The following DIAPH3 variants were observed in gnomAD, a reference collection of about 807,000 sequenced individuals.
DIAPH3 encodes protein diaphanous homolog 3.
In DIAPH3, 117 loss-of-function variants were observed where a neutral mutation model predicts 144.3. That is an observed-to-expected ratio of 0.81 (90% CI 0.70 to 0.95). The LOEUF is 0.95. Among genes scored for constraint, DIAPH3 ranks in the 40% least tolerant of loss-of-function variants. The pLI is 0.00. For missense variants in DIAPH3, 1,421 were observed against 1,412.7 expected (o/e 1.01, Z -0.09); for synonymous variants, 519 against 488.9 (o/e 1.06, Z -0.81).
At chr13:59,826,560 T>C (rs1007845484) in intron 24 of DIAPH3, among the ~76,000 whole-genome samples, 2 of 149,258 alleles carry the variant, frequency 1.3e-5, no homozygotes, top group Non-Finnish European at 1.5e-5. Context: ...GAACATTCCA[T>C]GCTCATGGGT....
At chr13:59,932,267 A>C (rs1282189177) in intron 17 of DIAPH3, among the ~76,000 whole-genome samples, 3 of 152,176 alleles carry the variant, frequency 2.0e-5, no homozygotes, top group Non-Finnish European at 4.4e-5. Context: ...GAAAAACGTC[A>C]AAGACACAAG....
rs1204002568 is a variant in DIAPH3 at position 59,774,227 on chromosome 13, G to A, written c.3281C>T (p.Pro1094Leu). The A allele has an allele frequency of 6.2e-7, 1 of 1,612,754 alleles. No individual in the cohort carries two copies. The highest frequency in any genetic ancestry group is 1.3e-5 in the African/African-American group (1 of 74,860). Residue 1094 changes from proline to leucine, a missense_variant, in exon 27 of 28, where the codon CCA becomes CTA. Transcript: ENST00000400324. ...MPKDVRQSLSPMSQRPVLKVC... is the reference protein window; with the variant it reads ...MPKDVRQSLSLMSQRPVLKVC... ...TTTCAGAACAGGCCTCTGAGACATT[G>A]GACTGAGACTCTGCCGAACATCTGT...
In DIAPH3 at chr13:59,674,721, A is replaced by T. The variant is rs969510941; in HGVS notation, c.3320-7875T>A. Among the ~76,000 whole-genome samples, 12 of 152,272 alleles carry T rather than the reference A, an allele frequency of 7.9e-5. No homozygotes were observed. In the South Asian group the frequency reaches 8.3e-4, roughly 11 times the overall value. ...ACATTCCTACATATGCCCTACTACTACTTCAAATAACACATTCTCAAACCA... is the reference window on the plus strand; with the variant it reads ...ACATTCCTACATATGCCCTACTACTTCTTCAAATAACACATTCTCAAACCA... On this transcript the variant is annotated intron_variant, in intron 27 of 27. Transcript: ENST00000400324.
intron 2 of DIAPH3, among the ~76,000 whole-genome samples, chr13:60,124,834 C>CA (rs935501504): frequency 7.1e-4 from 100 of 140,002 alleles, no homozygotes; most frequent in Admixed American, 1.5e-3. Context: ...GACCCTGTCT[C>CA]AAAAAAAAAA....
chr13:59,879,457 C>T lies in DIAPH3; in HGVS notation c.2379G>A (p.Val793=). ...CACTGAGCCGTGGCCGTAGTCTCTT[C>T]ACATTGCTCATCTGATTGAAAAGAA... ...PEQFVVVMSN[V]KRLRPRLSAI... Residue 793 remains valine (V), a synonymous_variant, in exon 21 of 28, where the codon GTG becomes GTA. Coordinates refer to ENST00000400324, the MANE Select transcript of DIAPH3 (RefSeq NM_001042517.2). 1.9e-6 allele frequency: 3 copies of T among 1,613,690 alleles called. No homozygotes were observed. The highest frequency in any genetic ancestry group is 2.2e-5 in the South Asian group (2 of 91,074).
chr13:59,964,258 C>G (rs2049927761), intron 17 of DIAPH3, among the ~76,000 whole-genome samples: 1 of 152,104 alleles, frequency 6.6e-6, no homozygotes. Flanking sequence ...ATCCTCCAAT[C>G]TACCATTCGT....
In DIAPH3 at chr13:60,112,315, A is replaced by G. The variant is rs371556328; in HGVS notation, c.214-129T>C. 269 of 1,052,460 alleles carry G rather than the reference A, an allele frequency of 2.6e-4. 4 individuals are homozygous for G. Among genetic ancestry groups the G allele is most frequent in the South Asian group, 2.4e-3 (166 of 68,420 alleles). The allele number at this position is 1,052,460 out of a possible 1,614,324, so 65.2% of individuals were successfully genotyped here. Reference sequence around the variant, plus strand: ...GTGATTTCATCAAGAGGCATTCAGCATTGGAATATTTAAAATTAATAATAA... The same window carrying G: ...GTGATTTCATCAAGAGGCATTCAGCGTTGGAATATTTAAAATTAATAATAA... On this transcript the variant is annotated intron_variant, in intron 2 of 27. Transcript: ENST00000400324.
rs567770326 is a variant in DIAPH3, at chr13:60,127,191, A to C, written c.213+5766T>G. Among the ~76,000 whole-genome samples the C allele has an allele frequency of 3.3e-5, 5 of 152,226 alleles. No individual in the cohort carries two copies. In the South Asian group the frequency reaches 1.0e-3, roughly 32 times the overall value. ...AATACAGATCCTGCATTAAAGGGAT[A>C]AGAAAATATCACAAACAACTTTATA... On this transcript the variant is annotated intron_variant, in intron 2 of 27. Coordinates refer to ENST00000400324, the MANE Select transcript of DIAPH3 (RefSeq NM_001042517.2).
At chr13:60,025,278 T>G (rs1216553757) in intron 5 of DIAPH3, among the ~76,000 whole-genome samples, 1 of 151,306 alleles carries the variant, frequency 6.6e-6, no homozygotes, top group Non-Finnish European at 1.5e-5. Context: ...CCTCCAAATC[T>G]GACAAAAAGG....
intron 17 of DIAPH3, among the ~76,000 whole-genome samples, chr13:59,952,784 A>G (rs986155958): frequency 4.2e-4 from 64 of 152,162 alleles, no homozygotes; most frequent in Non-Finnish European, 8.7e-4. Context: ...AAAATGAAAA[A>G]AGACAGTTTG....
At chr13:59,795,015 T>C (rs150353052) in intron 25 of DIAPH3, among the ~76,000 whole-genome samples, 291 of 152,364 alleles carry the variant, frequency 1.9e-3, no homozygotes, top group African/African-American at 6.5e-3. Context: ...AATGGTTGTC[T>C]TTCATAGTTC....
chr13:59,990,630 C>T (rs1394104226), intron 12 of DIAPH3, among the ~76,000 whole-genome samples: 3 of 151,884 alleles, frequency 2.0e-5, no homozygotes, highest in African/African-American at 7.3e-5. Flanking sequence ...TATTTAGTCA[C>T]ATTATAATGT....
At chr13:60,023,580 C>T (rs756654039) in intron 5 of DIAPH3, among the ~76,000 whole-genome samples, 10 of 151,802 alleles carry the variant, frequency 6.6e-5, no homozygotes, top group East Asian at 5.8e-4. Context: ...ACTACAGGCA[C>T]GCACCACCAT....
intron 17 of DIAPH3, among the ~76,000 whole-genome samples, chr13:59,968,625 A>G (rs1406850055): frequency 6.6e-6 from 1 of 152,178 alleles, no homozygotes; most frequent in East Asian, 1.9e-4. Flanking sequence ...GTACTCAAAA[A>G]TATCTGTTAA....
intron 17 of DIAPH3, among the ~76,000 whole-genome samples, chr13:59,932,482 G>A (rs879442346): frequency 1.3e-5 from 2 of 151,986 alleles, no homozygotes; most frequent in African/African-American, 2.4e-5. Context: ...ATGACCACCT[G>A]ACTTGGACTC....
At chr13:59,922,031 T>C (rs549898675) in intron 18 of DIAPH3, among the ~76,000 whole-genome samples, 2 of 152,118 alleles carry the variant, frequency 1.3e-5, no homozygotes, top group South Asian at 4.1e-4. Context: ...TTTAACAAAT[T>C]AGGTATAGAA....
At chr13:59,756,409 AAAGGAAGGAAGG>A (rs762777029) in intron 27 of DIAPH3, among the ~76,000 whole-genome samples, 7 of 137,544 alleles carry the variant, frequency 5.1e-5, no homozygotes, top group Non-Finnish European at 9.2e-5. Flanking sequence ...AATTTAGTAA[AAAGGAAGGAAGG>A]AAGGAAGGAA....
At position 59,833,161 on chromosome 13, in the gene DIAPH3, C is replaced by T. The variant is rs866583748; in HGVS notation, c.2973G>A (p.Lys991=). Residue 991 remains lysine (K), a synonymous_variant, in exon 24 of 28, where the codon AAG becomes AAA. Coordinates refer to ENST00000400324, the MANE Select transcript of DIAPH3 (RefSeq NM_001042517.2). ...IIGYYAIDVK[K]VSVEDFLTDL... ...CAGTAAGAAAGTCTTCCACAGACAC[C>T]TTCTTCACATCAATGGCATAGTATC... 5 of 1,610,622 alleles carry T rather than the reference C, an allele frequency of 3.1e-6. No homozygotes were observed. The highest frequency in any genetic ancestry group is 4.2e-6 in the Non-Finnish European group (5 of 1,178,012).
In DIAPH3 at chr13:59,774,738, C is replaced by G. The variant is rs371902789; in HGVS notation, c.3249G>C (p.Pro1083=). 1 of 1,614,030 alleles carries G rather than the reference C, an allele frequency of 6.2e-7. No individual in the cohort carries two copies. The highest frequency in any genetic ancestry group is 2.2e-5 in the East Asian group (1 of 44,874). The part of the protein sequence containing the change: ...AAFRDRRKRT[P]MPKDVRQSLS... Reference sequence around the variant, plus strand: ...AAGTATAGGGTTCACCTTTTGGCATCGGTGTCCTTTTTCTTCTGTCGCGGA... The same window carrying G: ...AAGTATAGGGTTCACCTTTTGGCATGGGTGTCCTTTTTCTTCTGTCGCGGA... The change falls in exon 26 of 28, where the codon CCG becomes CCC. Residue 1083 remains proline, a synonymous_variant. Transcript: ENST00000400324.
Sources: gnomAD v4.1 joint callset for allele counts (sites outside exome capture counted in the v4.1 genomes callset) on GRCh38, gnomAD v4.1.1 for gene constraint, MANE v1.5 for transcripts, NCBI Gene and HGNC (gene_info 2026-07-23, HGNC 2026-07-21) for gene names.